TTC7B: variants seen among roughly 807,000 people sequenced by gnomAD.
TTC7B encodes tetratricopeptide repeat protein 7B.
TTC7B carries 28 observed loss-of-function variants against 106.8 expected under a neutral mutation model. The ratio of observed to expected loss-of-function variants is 0.26; its 90% CI spans 0.19 to 0.36. The LOEUF is 0.36. TTC7B is among the 10% of genes least tolerant of loss of function. TTC7B has a pLI of 1.00. For missense variants in TTC7B, 862 were observed against 1,076.4 expected (o/e 0.80, Z 2.79); for synonymous variants, 405 against 430.6 (o/e 0.94, Z 0.74).
rs143221867 is a variant in TTC7B at position 90,732,349 on chromosome 14, AG to A, written c.577-2154del. Among the ~76,000 whole-genome samples, 581 of 152,222 alleles carry A rather than the reference AG, an allele frequency of 3.8e-3. 2 individuals carry two copies. The highest frequency in any genetic ancestry group is 0.014 in the African/African-American group (563 of 41,524). Reference sequence around the variant, plus strand: ...ATTTCTACAACAGCCTCCTGAATGGAGTCTCCACGTCCTCTCTTGCTTCCCT... The same window carrying A: ...ATTTCTACAACAGCCTCCTGAATGGATCTCCACGTCCTCTCTTGCTTCCCT... On this transcript the variant is annotated intron_variant, in intron 4 of 19. Coordinates refer to ENST00000328459, the MANE Select transcript of TTC7B (RefSeq NM_001010854.2).
rs561404281 is a variant in TTC7B at position 90,581,543 on chromosome 14, G to A, written c.2108-3235C>T. On this transcript the variant is annotated intron_variant, in intron 18 of 19. Coordinates refer to ENST00000328459, the MANE Select transcript of TTC7B (RefSeq NM_001010854.2). ...GCAACACAGGGGAGCAGGACAGAGC[G>A]TCCCTCTCATTGCACGCCTGGCTCC... 1.6e-4 allele frequency among the ~76,000 whole-genome samples: 24 copies of A among 152,284 alleles called. No homozygotes were observed. In the South Asian group the frequency reaches 1.7e-3, roughly 11 times the overall value.
rs1393212757 is a variant in TTC7B, at chr14:90,808,374, T to C, written c.121+7801A>G. Among the ~76,000 whole-genome samples, 1 of 152,198 alleles carries C rather than the reference T, an allele frequency of 6.6e-6. No homozygotes were observed. Among genetic ancestry groups the C allele is most frequent in the Non-Finnish European group, 1.5e-5 (1 of 68,034 alleles). Reference sequence around the variant, plus strand: ...CCTGCTAGCACTATTTTAACACTCATCAAGTCAGGACAGCTACAGTTTCAG... The same window carrying C: ...CCTGCTAGCACTATTTTAACACTCACCAAGTCAGGACAGCTACAGTTTCAG... On this transcript the variant is annotated intron_variant, in intron 1 of 19. Coordinates refer to ENST00000328459, the MANE Select transcript of TTC7B (RefSeq NM_001010854.2). The surrounding 1 kb of genome is among the most constrained non-coding windows in gnomAD (Gnocchi z 4.2).
intron 3 of TTC7B, among the ~76,000 whole-genome samples, chr14:90,764,359 T>C (rs1283949383): frequency 1.3e-5 from 2 of 151,936 alleles, no homozygotes; most frequent in Non-Finnish European, 2.9e-5. Context: ...ATAAAACTCA[T>C]AGAAGAAATC....
Position 90,786,301 on chromosome 14 carries a change from T to A in TTC7B, c.149A>T (p.Glu50Val). 1.9e-6 allele frequency: 3 copies of A among 1,613,184 alleles called. No homozygotes were observed. The highest frequency in any genetic ancestry group is 2.2e-5 in the East Asian group (1 of 44,718). Reference sequence around the variant, plus strand: ...CTTCAGGTACTGCTCCAGCTTCGACTCCCCGAGGAGAAGCTCTGCCATGTC... The same window carrying A: ...CTTCAGGTACTGCTCCAGCTTCGACACCCCGAGGAGAAGCTCTGCCATGTC... ...NDDMAELLLG[E>V]SKLEQYLKEH... The change falls in exon 2 of 20, where the codon GAG becomes GTG. Residue 50 changes from glutamate to valine, a missense_variant. Coordinates refer to ENST00000328459, the MANE Select transcript of TTC7B (RefSeq NM_001010854.2).
chr14:90,587,059 C>T (rs1874448574), intron 18 of TTC7B, among the ~76,000 whole-genome samples: 1 of 152,260 alleles, frequency 6.6e-6, no homozygotes, highest in Non-Finnish European at 1.5e-5. Context: ...CTGCTGTCCT[C>T]TACCACCTGG....
intron 7 of TTC7B, among the ~76,000 whole-genome samples, chr14:90,688,307 T>C (rs55784645): frequency 0.013 from 2,041 of 152,002 alleles, 35 homozygotes; most frequent in African/African-American, 0.046. Context: ...CTGGCCAACA[T>C]AGTGAAACCC....
At chr14:90,813,229 A>G (rs2031000335) in intron 1 of TTC7B, among the ~76,000 whole-genome samples, 1 of 152,104 alleles carries the variant, frequency 6.6e-6, no homozygotes, top group Admixed American at 6.5e-5. Flanking sequence ...GCCCACTCCA[A>G]AGCACCTATT....
chr14:90,815,065 T>C lies in TTC7B; in HGVS notation c.121+1110A>G, dbSNP rs147681768. 7.2e-3 allele frequency among the ~76,000 whole-genome samples: 1,098 copies of C among 152,222 alleles called. 6 individuals are homozygous for C. Among genetic ancestry groups the C allele is most frequent in the African/African-American group, 1.0e-2 (414 of 41,530 alleles). ...TTCTGGGTAGTCTGAAGTGAGAAGGTTGAAAATAGTGCAGATGTCCTTTCT... is the reference window on the plus strand; with the variant it reads ...TTCTGGGTAGTCTGAAGTGAGAAGGCTGAAAATAGTGCAGATGTCCTTTCT... On this transcript the variant is annotated intron_variant, in intron 1 of 19. Coordinates refer to ENST00000328459, the MANE Select transcript of TTC7B (RefSeq NM_001010854.2).
chr14:90,707,599 C>T (rs1030541377), intron 5 of TTC7B, among the ~76,000 whole-genome samples: 1 of 152,096 alleles, frequency 6.6e-6, no homozygotes, highest in Non-Finnish European at 1.5e-5. Context: ...CCAGTCAACA[C>T]ACAAATGATA....
At chr14:90,642,011 C>T (rs1345220947) in intron 15 of TTC7B, among the ~76,000 whole-genome samples, 1 of 151,904 alleles carries the variant, frequency 6.6e-6, no homozygotes, top group African/African-American at 2.4e-5. Flanking sequence ...ATGAGAGACA[C>T]TGAATTCAAT....
Position 90,663,810 on chromosome 14 carries a change from C to A in TTC7B, c.1153-5423G>T, listed in dbSNP as rs1886302102. On this transcript the variant is annotated intron_variant, in intron 9 of 19. Coordinates refer to ENST00000328459, the MANE Select transcript of TTC7B (RefSeq NM_001010854.2). The surrounding 1 kb of genome is among the most constrained non-coding windows in gnomAD (Gnocchi z 4.5). ...CAATTCAGAGGTGTGTGAGCTCTGGCATCACAGCCGATGGCGCTGCCTGCC... is the reference window on the plus strand; with the variant it reads ...CAATTCAGAGGTGTGTGAGCTCTGGAATCACAGCCGATGGCGCTGCCTGCC... 6.6e-6 allele frequency among the ~76,000 whole-genome samples: 1 copy of A among 152,196 alleles called. No homozygotes were observed. The highest frequency in any genetic ancestry group is 1.9e-4 in the East Asian group (1 of 5,200).
At chr14:90,776,380 C>T (rs1306743480) in intron 3 of TTC7B, among the ~76,000 whole-genome samples, 2 of 152,054 alleles carry the variant, frequency 1.3e-5, no homozygotes, top group African/African-American at 4.8e-5. Context: ...GGCAAAATGG[C>T]GGAGTGTAAC....
At chr14:90,731,365 A>G (rs1192175473) in intron 4 of TTC7B, among the ~76,000 whole-genome samples, 1 of 152,214 alleles carries the variant, frequency 6.6e-6, no homozygotes, top group African/African-American at 2.4e-5. Context: ...GCTGAAAGTC[A>G]GCAGCTCTTC....
intron 5 of TTC7B, among the ~76,000 whole-genome samples, chr14:90,722,931 C>A (rs1057372130): frequency 1.3e-5 from 2 of 152,204 alleles, no homozygotes; most frequent in Non-Finnish European, 2.9e-5. Flanking sequence ...AAGTCCTGGG[C>A]TGTCTTCTCT....
At chr14:90,601,851 T>C (rs1456404110) in intron 17 of TTC7B, among the ~76,000 whole-genome samples, 1 of 152,158 alleles carries the variant, frequency 6.6e-6, no homozygotes. Context: ...AGAATAACTA[T>C]GGAATTTACA....
chr14:90,599,957 A>G (rs1892361547), intron 17 of TTC7B, among the ~76,000 whole-genome samples: 2 of 152,178 alleles, frequency 1.3e-5, no homozygotes, highest in Admixed American at 6.5e-5. Flanking sequence ...CTGTTTCTCA[A>G]GATAGGGCTT....
intron 19 of TTC7B, among the ~76,000 whole-genome samples, chr14:90,554,906 A>C (rs1890238083): frequency 6.6e-6 from 1 of 152,126 alleles, no homozygotes; most frequent in South Asian, 2.1e-4. Context: ...TTCTTCCTGG[A>C]GTGGATCGAC....
intron 13 of TTC7B, among the ~76,000 whole-genome samples, chr14:90,647,681 A>C (rs1452893228): frequency 6.6e-6 from 1 of 152,230 alleles, no homozygotes; most frequent in East Asian, 1.9e-4. Flanking sequence ...TCAGACAGGA[A>C]GGGACCATAC....
chr14:90,552,660 C>A (rs2139773811), intron 19 of TTC7B, among the ~76,000 whole-genome samples: 1 of 152,350 alleles, frequency 6.6e-6, no homozygotes. Flanking sequence ...AAGGTACCTG[C>A]AGTGTGGCTC....
Sources: allele counts gnomAD v4.1 joint callset (sites outside exome capture counted in the v4.1 genomes callset), GRCh38; gene constraint gnomAD v4.1.1; non-coding constraint Gnocchi (gnomAD v3.1); transcripts MANE v1.5; gene names NCBI Gene and HGNC (gene_info 2026-07-23, HGNC 2026-07-21).